PIK3C3: variants seen among roughly 807,000 people sequenced by gnomAD.
PIK3C3 encodes the protein PI3-kinase type 3.
PIK3C3 carries 95 observed loss-of-function variants against 126.1 expected under a neutral mutation model. The observed-to-expected ratio is 0.75, with a 90% confidence interval of 0.64 to 0.89. PIK3C3 has a LOEUF of 0.89. Ranked by LOEUF, PIK3C3 falls within the 40% of genes least tolerant of loss-of-function variation. The pLI is 0.00. For missense variants in PIK3C3, 829 were observed against 1,063.2 expected, an observed-to-expected ratio of 0.78 and a Z score of 3.06; for synonymous variants, 374 against 360.0, an observed-to-expected ratio of 1.04 and a Z score of -0.44.
Position 42,009,276 on chromosome 18 carries a change from C to G in PIK3C3, c.1171-4166C>G, listed in dbSNP as rs141366557. Among the ~76,000 whole-genome samples, 155 of 152,206 alleles carry G rather than the reference C, an allele frequency of 1.0e-3. 2 individuals carry two copies. The highest frequency in any genetic ancestry group is 3.6e-3 in the African/African-American group (150 of 41,542). On this transcript the variant is annotated intron_variant, in intron 10 of 24. Transcript: ENST00000262039. ...GACTCCTGACATTGACATATTTGAACAAGAATTAATAAGCCACATAATCTT... is the reference window on the plus strand; with the variant it reads ...GACTCCTGACATTGACATATTTGAAGAAGAATTAATAAGCCACATAATCTT...
intron 2 of PIK3C3, among the ~76,000 whole-genome samples, chr18:41,961,802 A>G (rs919237553): frequency 6.6e-6 from 1 of 152,214 alleles, no homozygotes; most frequent in Admixed American, 6.5e-5. Flanking sequence ...TTACATAAAT[A>G]TATAGAGGGT....
At chr18:42,055,022 C>T (rs1367298481) in intron 21 of PIK3C3, among the ~76,000 whole-genome samples, 1 of 151,782 alleles carries the variant, frequency 6.6e-6, no homozygotes, top group Non-Finnish European at 1.5e-5. Flanking sequence ...CTTTTTCCCA[C>T]TTGCTATAAT....
chr18:41,996,820 A>G (rs1982048228), intron 9 of PIK3C3, 90 bp downstream of exon 9: 2 of 711,626 alleles, frequency 2.8e-6, no homozygotes, highest in South Asian at 4.0e-5. Context: ...GGAAATTGTT[A>G]TTGTCACTTT....
intron 4 of PIK3C3, among the ~76,000 whole-genome samples, chr18:41,981,888 A>G (rs1391933545): frequency 1.3e-5 from 2 of 151,802 alleles, no homozygotes; most frequent in African/African-American, 2.4e-5. Flanking sequence ...AGGCAGGAAA[A>G]TAGGAAAATC....
intron 1 of PIK3C3, 161 bp downstream of exon 1, chr18:41,955,520 C>A: frequency 1.7e-6 from 1 of 594,144 alleles, no homozygotes; most frequent in Non-Finnish European, 3.0e-6. Flanking sequence ...GAGAGTGGAT[C>A]GTGGAGAGGG....
At chr18:41,959,464 G>A (rs188816383) in intron 2 of PIK3C3, among the ~76,000 whole-genome samples, 4 of 151,098 alleles carry the variant, frequency 2.6e-5, no homozygotes, top group East Asian at 1.9e-4. Flanking sequence ...TATTTAAAAC[G>A]ACTTTGAAAT....
chr18:42,000,738 G>A (rs1220506734), intron 9 of PIK3C3, among the ~76,000 whole-genome samples: 3 of 152,132 alleles, frequency 2.0e-5, no homozygotes, highest in Non-Finnish European at 4.4e-5. Flanking sequence ...TACGTGGATG[G>A]CAGCAAGCAA....
chr18:42,072,071 C>CAT (rs1443984340), intron 24 of PIK3C3, among the ~76,000 whole-genome samples: 1 of 152,162 alleles, frequency 6.6e-6, no homozygotes, highest in Non-Finnish European at 1.5e-5. Flanking sequence ...CACTTGTCTA[C>CAT]ATATATTGTC....
chr18:42,073,386 A>G (rs1216459706), intron 24 of PIK3C3, among the ~76,000 whole-genome samples: 1 of 152,236 alleles, frequency 6.6e-6, no homozygotes, highest in Non-Finnish European at 1.5e-5. Context: ...AACAAAAAAA[A>G]TGGAAGGAGG....
intron 24 of PIK3C3, among the ~76,000 whole-genome samples, chr18:42,072,106 A>G (rs1056497326): frequency 2.6e-5 from 4 of 152,238 alleles, no homozygotes; most frequent in Non-Finnish European, 5.9e-5. Context: ...AATAAATCAC[A>G]TAGGCATTCA....
intron 4 of PIK3C3, among the ~76,000 whole-genome samples, chr18:41,983,864 T>G (rs1456418648): frequency 2.0e-5 from 3 of 152,128 alleles, no homozygotes; most frequent in Admixed American, 6.6e-5. Context: ...AGGCATGTTG[T>G]TATTTGGTTC....
chr18:41,968,406 A>G (rs923689331), intron 3 of PIK3C3, among the ~76,000 whole-genome samples: 4 of 152,338 alleles, frequency 2.6e-5, no homozygotes, highest in Non-Finnish European at 4.4e-5. Flanking sequence ...TATAAGAGAC[A>G]TGTATATATG....
intron 24 of PIK3C3, among the ~76,000 whole-genome samples, chr18:42,076,093 T>TGC (rs1985966029): frequency 1.4e-5 from 1 of 72,114 alleles, no homozygotes; most frequent in Admixed American, 1.3e-4. Flanking sequence ...ACCTTGCATA[T>TGC]ATATATATAT....
At chr18:42,077,207 A>G (rs973274348) in intron 24 of PIK3C3, among the ~76,000 whole-genome samples, 4 of 152,196 alleles carry the variant, frequency 2.6e-5, no homozygotes, top group Non-Finnish European at 5.9e-5. Flanking sequence ...GTGAGTTGTA[A>G]TCTTTTTGCT....
chr18:42,029,197 T>C (rs1983707682), intron 14 of PIK3C3, 128 bp from the exon 15 acceptor site: 3 of 618,256 alleles, frequency 4.9e-6, no homozygotes, highest in African/African-American at 1.8e-5. Context: ...AAGATAATCT[T>C]TTTCAGTTTT....
intron 20 of PIK3C3, among the ~76,000 whole-genome samples, 160 bp downstream of exon 20, chr18:42,043,977 C>T (rs1984443428): frequency 6.6e-6 from 1 of 152,120 alleles, no homozygotes; most frequent in Non-Finnish European, 1.5e-5. Context: ...GATGCTTTGA[C>T]ATAATAGTAT....
At chr18:42,062,663 G>A (rs975939027) in intron 22 of PIK3C3, among the ~76,000 whole-genome samples, 9 of 151,650 alleles carry the variant, frequency 5.9e-5, no homozygotes, top group South Asian at 2.1e-4. Flanking sequence ...GTGACTTTAC[G>A]TATGATCCTA....
In PIK3C3 at chr18:42,082,873, A is replaced by G. The variant is rs1400056275; in HGVS notation, c.*1736A>G. On this transcript the variant is annotated 3_prime_UTR_variant, in exon 25 of 25. Coordinates refer to ENST00000262039, the MANE Select transcript of PIK3C3 (RefSeq NM_002647.4). ...CTTTATAAACTCCACAGCACTCTGC[A>G]TAGATATGACCATGTTTATAAGGAA... 6.6e-6 allele frequency: 1 copy of G among 152,204 alleles called. No homozygotes were observed. Among genetic ancestry groups the G allele is most frequent in the African/African-American group, 2.4e-5 (1 of 41,446 alleles). The allele number at this position is 152,204 out of a possible 1,614,324, so 9.4% of individuals were successfully genotyped here. A position where few individuals can be genotyped will look rare whatever the true frequency, so the allele number is the denominator to read the frequency against.
In PIK3C3 at chr18:42,083,133, T is replaced by C. The variant is rs1353838039; in HGVS notation, c.*1996T>C. ...ATTTTGGCTGTGAGTGACAAGCCTA[T>C]ATCAAAAAGAAAAGTGGCTTATCAA... is the stretch of plus-strand genomic sequence containing the variant. On this transcript the variant is annotated 3_prime_UTR_variant, in exon 25 of 25. Transcript: ENST00000262039. The C allele has an allele frequency of 6.6e-6, 1 of 152,206 alleles. No homozygotes were observed. The highest frequency in any genetic ancestry group is 2.4e-5 in the African/African-American group (1 of 41,450). The allele number at this position is 152,206 out of a possible 1,614,324, so 9.4% of individuals were successfully genotyped here.
Sources: gnomAD v4.1 joint callset for allele counts (sites outside exome capture counted in the v4.1 genomes callset) on GRCh38, gnomAD v4.1.1 for gene constraint, MANE v1.5 for transcripts, NCBI Gene and HGNC (gene_info 2026-07-23, HGNC 2026-07-21) for gene names.